The following ANO6 variants were observed in gnomAD, a reference collection of about 807,000 sequenced individuals.
The protein encoded by ANO6 is anoctamin 6.
Under a neutral mutation model 117.5 loss-of-function variants are expected in ANO6, and 106 were observed. That is an observed-to-expected ratio of 0.90 (90% CI 0.77 to 1.06). ANO6 has a LOEUF of 1.06. Ranked by LOEUF, ANO6 falls within the 50% of genes least tolerant of loss-of-function variation. The pLI, the probability that ANO6 is intolerant of heterozygous loss-of-function variation, is 0.00. For missense variants in ANO6, 955 were observed against 1,121.1 expected, an observed-to-expected ratio of 0.85 and a Z score of 2.12; for synonymous variants, 367 against 385.1, an observed-to-expected ratio of 0.95 and a Z score of 0.55.
At chr12:45,277,002 AT>A (rs774404728) in intron 1 of ANO6, among the ~76,000 whole-genome samples, 5 of 152,156 alleles carry the variant, frequency 3.3e-5, no homozygotes, top group Admixed American at 6.5e-5. Context: ...ACTGTAGCTG[AT>A]TCTTTTAGTA....
At chr12:45,394,123 T>C (rs534966950) in intron 12 of ANO6, among the ~76,000 whole-genome samples, 1 of 152,208 alleles carries the variant, frequency 6.6e-6, no homozygotes, top group South Asian at 2.1e-4. Context: ...AAGACACATA[T>C]AGGCTCAAAA....
At chr12:45,400,196 T>C (rs745312812) in intron 12 of ANO6, among the ~76,000 whole-genome samples, 1 of 152,216 alleles carries the variant, frequency 6.6e-6, no homozygotes, top group Non-Finnish European at 1.5e-5. Context: ...CACAAGCCTG[T>C]TATGAGATTA....
chr12:45,312,127 A>G (rs775379471), intron 2 of ANO6, among the ~76,000 whole-genome samples: 4 of 152,036 alleles, frequency 2.6e-5, no homozygotes, highest in Non-Finnish European at 5.9e-5. Context: ...GGGGAATGTC[A>G]AAATTAATTT....
In ANO6 at chr12:45,348,041, A is replaced by C; in HGVS notation, c.359A>C (p.Lys120Thr). 6.2e-7 allele frequency: 1 copy of C among 1,613,832 alleles called. No individual in the cohort carries two copies. Among genetic ancestry groups the C allele is most frequent in the Non-Finnish European group, 8.5e-7 (1 of 1,179,902 alleles). ...TTTCCAATATAGGTATTGGATGACA[A>C]GCTTGTATTTGTAAAAGTACACGCA... Reference protein sequence around the residue: ...LEATRSVLDDKLVFVKVHAPW... With the variant: ...LEATRSVLDDTLVFVKVHAPW... Residue 120 changes from lysine (K) to threonine (T), a missense_variant, in exon 5 of 20, where the codon AAG becomes ACG. Physicochemically the swap from Lys to Thr is moderately conservative, Grantham distance 78. Transcript: ENST00000320560.
intron 1 of ANO6, among the ~76,000 whole-genome samples, chr12:45,224,982 A>G (rs1159918704): frequency 1.3e-5 from 2 of 152,166 alleles, no homozygotes; most frequent in African/African-American, 4.8e-5. Context: ...CTTGAGCGAA[A>G]GAGTTTGAAA....
intron 15 of ANO6, 106 bp from the exon 16 acceptor site, chr12:45,409,251 G>A (rs938531070): frequency 6.6e-5 from 94 of 1,433,274 alleles, no homozygotes; most frequent in Non-Finnish European, 8.5e-5. Context: ...CAAAAAAATA[G>A]TTTATTGGGA....
At chr12:45,387,254 T>G (rs1320329208) in intron 10 of ANO6, among the ~76,000 whole-genome samples, 2 of 152,240 alleles carry the variant, frequency 1.3e-5, no homozygotes, top group Non-Finnish European at 2.9e-5. Context: ...TTTTATTTAC[T>G]ATTTAAAGTT....
At chr12:45,234,425 A>G (rs888587965) in intron 1 of ANO6, among the ~76,000 whole-genome samples, 3 of 152,164 alleles carry the variant, frequency 2.0e-5, no homozygotes, top group Middle Eastern at 3.2e-3. Context: ...ACTGGTAAAA[A>G]TATTGCAAAC....
intron 1 of ANO6, among the ~76,000 whole-genome samples, chr12:45,217,037 C>CT (rs1313070717): frequency 2.0e-5 from 3 of 152,122 alleles, no homozygotes; most frequent in Non-Finnish European, 4.4e-5. Context: ...GGCCCTGGGG[C>CT]TTGGGGAGCA....
chr12:45,266,138 T>A (rs1048857190), intron 1 of ANO6, among the ~76,000 whole-genome samples: 2 of 152,216 alleles, frequency 1.3e-5, no homozygotes, highest in African/African-American at 4.8e-5. Context: ...CACATATTTA[T>A]CTTTGGGTTG....
intron 2 of ANO6, among the ~76,000 whole-genome samples, chr12:45,309,272 T>C (rs1462423949): frequency 6.6e-6 from 1 of 151,956 alleles, no homozygotes; most frequent in Non-Finnish European, 1.5e-5. Context: ...GAGAGGAACA[T>C]GTGAGCCCAG....
chr12:45,396,585 T>C (rs568171952), intron 12 of ANO6, among the ~76,000 whole-genome samples: 11 of 152,280 alleles, frequency 7.2e-5, no homozygotes, highest in African/African-American at 2.6e-4. Flanking sequence ...CTTCAAACTA[T>C]ACTACAAGGC....
chr12:45,438,167 T>C (rs572958779), intron 19 of ANO6, among the ~76,000 whole-genome samples: 56 of 152,252 alleles, frequency 3.7e-4, no homozygotes, highest in African/African-American at 1.3e-3. Context: ...ATTTCCTAGT[T>C]GTCCATCCTG....
intron 2 of ANO6, among the ~76,000 whole-genome samples, chr12:45,322,261 G>A (rs1391280715): frequency 6.6e-6 from 1 of 150,906 alleles, no homozygotes; most frequent in Non-Finnish European, 1.5e-5. Flanking sequence ...AGGAAGAACT[G>A]AGCTGGACCT....
intron 1 of ANO6, among the ~76,000 whole-genome samples, chr12:45,251,978 C>T (rs1329446527): frequency 6.6e-6 from 1 of 152,196 alleles, no homozygotes; most frequent in East Asian, 1.9e-4. Flanking sequence ...AGACATTTTA[C>T]TTGTTCAACT....
At chr12:45,264,765 A>G (rs1418042402) in intron 1 of ANO6, among the ~76,000 whole-genome samples, 1 of 152,228 alleles carries the variant, frequency 6.6e-6, no homozygotes, top group East Asian at 1.9e-4. Flanking sequence ...TGTATTAGAC[A>G]AAGTGCTATT....
At chr12:45,346,128 A>G (rs936152357) in intron 3 of ANO6, among the ~76,000 whole-genome samples, 1 of 152,150 alleles carries the variant, frequency 6.6e-6, no homozygotes, top group Non-Finnish European at 1.5e-5. Context: ...CCCACCTCTC[A>G]ACACTGTTGC....
At chr12:45,437,101 C>T (rs1165878228), downstream of ANO6, among the ~76,000 whole-genome samples, 2 of 152,218 alleles carry the variant, frequency 1.3e-5, no homozygotes, top group South Asian at 4.1e-4. Flanking sequence ...ACCTTGTCAG[C>T]CATGAAATTC....
chr12:45,436,228 T>C (rs1943705606), downstream of ANO6, among the ~76,000 whole-genome samples: 1 of 152,166 alleles, frequency 6.6e-6, no homozygotes, highest in African/African-American at 2.4e-5. Context: ...CTTAGCTGCC[T>C]ACAGCTTCCC....
Sources: gnomAD v4.1 joint callset for allele counts (sites outside exome capture counted in the v4.1 genomes callset) on GRCh38, gnomAD v4.1.1 for gene constraint, MANE v1.5 for transcripts, NCBI Gene and HGNC (gene_info 2026-07-23, HGNC 2026-07-21) for gene names.